Variants in EML1 observed in about 807,000 individuals in gnomAD.
EML1 encodes the protein echinoderm microtubule-associated protein-like 1.
EML1 carries 27 observed loss-of-function variants against 110.4 expected under a neutral mutation model. The ratio of observed to expected loss-of-function variants is 0.24; its 90% CI spans 0.18 to 0.34. The LOEUF is 0.34. Among genes scored for constraint, EML1 ranks in the 10% least tolerant of loss-of-function variants. EML1 has a pLI of 1.00. For synonymous variants in EML1, 344 were observed against 385.8 expected, an observed-to-expected ratio of 0.89 and a Z score of 1.27; for missense variants, 741 against 1,030.9, an observed-to-expected ratio of 0.72 and a Z score of 3.85.
chr14:99,794,339 CTT>C (rs113918392), intron 1 of EML1, among the ~76,000 whole-genome samples: 9 of 141,174 alleles, frequency 6.4e-5, no homozygotes, highest in Admixed American at 7.1e-5. Flanking sequence ...GTTAACCACA[CTT>C]TTTTTTTTTT....
intron 1 of EML1, among the ~76,000 whole-genome samples, chr14:99,826,708 GA>G (rs142626728): frequency 6.4e-5 from 9 of 140,150 alleles, no homozygotes; most frequent in South Asian, 2.3e-4. Flanking sequence ...TGCTTCTTGG[GA>G]AAAAAAAACA....
chr14:99,927,792 AT>A (rs2060263956), intron 17 of EML1, among the ~76,000 whole-genome samples: 1 of 17,016 alleles, frequency 5.9e-5, no homozygotes, highest in African/African-American at 2.6e-4. Flanking sequence ...TGGTGGTGGT[AT>A]TGGTGGTGGG....
intron 1 of EML1, among the ~76,000 whole-genome samples, chr14:99,844,281 C>A (rs552339337): frequency 6.6e-6 from 1 of 152,120 alleles, no homozygotes; most frequent in East Asian, 1.9e-4. Flanking sequence ...GGGTTCAAGA[C>A]CAACCTGGCC....
At chr14:99,860,036 G>T (rs77018754) in intron 2 of EML1, among the ~76,000 whole-genome samples, 1 of 152,080 alleles carries the variant, frequency 6.6e-6, no homozygotes, top group African/African-American at 2.4e-5. Flanking sequence ...AATCCAAGGC[G>T]TGTGCTGTGT....
At chr14:99,844,032 A>C (rs12883614) in intron 1 of EML1, among the ~76,000 whole-genome samples, 52,978 of 152,144 alleles carry the variant, frequency 0.35, 9,781 homozygotes, top group South Asian at 0.49. Flanking sequence ...GAGAAATTCC[A>C]CAGAACTACT....
chr14:99,806,604 C>T (rs866890227), intron 1 of EML1, among the ~76,000 whole-genome samples: 1 of 152,274 alleles, frequency 6.6e-6, no homozygotes, highest in Middle Eastern at 3.4e-3. Context: ...GCATGAGCCA[C>T]TGCGCCTGGC....
At chr14:99,885,344 T>C (rs1179606574) in intron 4 of EML1, among the ~76,000 whole-genome samples, 2 of 152,208 alleles carry the variant, frequency 1.3e-5, no homozygotes, top group Non-Finnish European at 2.9e-5. Context: ...CACATGACTA[T>C]AGGGAATACT....
chr14:99,868,362 C>G (rs2139895168), intron 3 of EML1, among the ~76,000 whole-genome samples: 1 of 152,274 alleles, frequency 6.6e-6, no homozygotes, highest in East Asian at 1.9e-4. Flanking sequence ...CTCCTCAATT[C>G]TTTGGAAGAG....
chr14:99,793,721 C>A (rs1457178394), intron 1 of EML1, among the ~76,000 whole-genome samples, 178 bp downstream of exon 1: 1 of 146,452 alleles, frequency 6.8e-6, no homozygotes, highest in Admixed American at 6.8e-5. Flanking sequence ...GTGTTGGAGC[C>A]GCGGGGCCGC....
chr14:99,847,578 T>G (rs905811898), intron 1 of EML1, among the ~76,000 whole-genome samples: 2 of 152,272 alleles, frequency 1.3e-5, no homozygotes, highest in South Asian at 4.1e-4. Context: ...TTTATTTTTT[T>G]ATTAGTTGTT....
chr14:99,848,646 A>G (rs10136791), intron 1 of EML1, among the ~76,000 whole-genome samples: 9,633 of 152,180 alleles, frequency 0.063, 1,024 homozygotes, highest in African/African-American at 0.22. Flanking sequence ...CTGTAAGACA[A>G]TATTTTAATT....
chr14:99,885,192 A>G (rs1230291695), intron 4 of EML1, among the ~76,000 whole-genome samples: 1 of 152,248 alleles, frequency 6.6e-6, no homozygotes, highest in East Asian at 1.9e-4. Context: ...ATCAGGCATC[A>G]CTTAATGACA....
In EML1 at chr14:99,867,436, C is replaced by A. The variant is rs148548848; in HGVS notation, c.383+1790C>A. 1.1e-3 allele frequency among the ~76,000 whole-genome samples: 173 copies of A among 152,240 alleles called. 1 individual carries two copies. The South Asian group carries it at 0.013, about 11-fold the overall frequency. On this transcript the variant is annotated intron_variant, in intron 3 of 21. Coordinates refer to ENST00000262233, the MANE Select transcript of EML1 (RefSeq NM_004434.3). ...ACTTTGAGTAGCATGGAGATTTTAG[C>A]AATATTAAGTCTTCCAATCCATAAA... is the stretch of plus-strand genomic sequence containing the variant.
chr14:99,744,274 A>G (rs1269949014), intron 1 of EML1, among the ~76,000 whole-genome samples: 2 of 152,176 alleles, frequency 1.3e-5, no homozygotes, highest in African/African-American at 2.4e-5. Flanking sequence ...CCCTGCTCCC[A>G]GGGCAGGTCC....
intron 1 of EML1, among the ~76,000 whole-genome samples, chr14:99,751,372 G>A (rs1056908136): frequency 1.1e-4 from 16 of 152,164 alleles, no homozygotes; most frequent in East Asian, 1.9e-4. Flanking sequence ...GACCCAGCAC[G>A]GAAGCAGAGG....
intron 1 of EML1, among the ~76,000 whole-genome samples, chr14:99,779,827 C>T (rs114875879): frequency 0.048 from 7,381 of 152,246 alleles, 207 homozygotes; most frequent in Middle Eastern, 0.055. Flanking sequence ...TGTAGAGAAC[C>T]CCTTGGTTCA....
intron 1 of EML1, chr14:99,737,960 G>A: frequency 2.5e-6 from 3 of 1,192,970 alleles, no homozygotes; most frequent in Non-Finnish European, 3.3e-6. Flanking sequence ...GCAGGCAGCT[G>A]TGAGCTGGAC....
intron 1 of EML1, among the ~76,000 whole-genome samples, chr14:99,811,216 C>T (rs1291040352): frequency 6.8e-6 from 1 of 147,462 alleles, no homozygotes; most frequent in Non-Finnish European, 1.5e-5. Flanking sequence ...GGGTCTCGCT[C>T]TATCACCCAG....
intron 1 of EML1, among the ~76,000 whole-genome samples, chr14:99,805,207 G>A (rs2057949942): frequency 1.3e-5 from 2 of 152,222 alleles, no homozygotes; most frequent in Non-Finnish European, 2.9e-5. Context: ...CAGACCAGGA[G>A]GACCTGTAGG....
Sources: gnomAD v4.1 joint callset for allele counts (sites outside exome capture counted in the v4.1 genomes callset) on GRCh38, gnomAD v4.1.1 for gene constraint, MANE v1.5 for transcripts, NCBI Gene and HGNC (gene_info 2026-07-23, HGNC 2026-07-21) for gene names.